The following TNPO2 variants were observed in gnomAD, a reference collection of about 807,000 sequenced individuals.
TNPO2 encodes the protein transportin-2.
TNPO2 carries 16 observed loss-of-function variants against 111.1 expected under a neutral mutation model. The ratio of observed to expected loss-of-function variants is 0.14; its 90% CI spans 0.10 to 0.22. The LOEUF (loss-of-function observed/expected upper bound fraction) is 0.22, where lower values mean the gene tolerates loss of function less well. TNPO2 is among the 10% of genes least tolerant of loss of function. The pLI is 1.00. For missense variants in TNPO2, 530 were observed against 1,173.7 expected (o/e 0.45, Z 8.01); for synonymous variants, 481 against 475.8 (o/e 1.01, Z -0.14).
In TNPO2 at chr19:12,712,583, A is replaced by C. The variant is rs189773143; in HGVS notation, c.891-970T>G. On this transcript the variant is annotated intron_variant, in intron 10 of 25. Transcript: ENST00000425528. Reference sequence around the variant, plus strand: ...GTCCCTGATATGCAGAAATAATGGCATACGCTGTCTTTCTCTTTGTCTACT... The same window carrying C: ...GTCCCTGATATGCAGAAATAATGGCCTACGCTGTCTTTCTCTTTGTCTACT... Among the ~76,000 whole-genome samples the C allele has an allele frequency of 2.6e-5, 4 of 152,324 alleles. No homozygotes were observed. The East Asian group carries it at 7.7e-4, about 29-fold the overall frequency.
intron 10 of TNPO2, among the ~76,000 whole-genome samples, chr19:12,712,195 A>G (rs983057665): frequency 6.6e-6 from 1 of 152,220 alleles, no homozygotes; most frequent in Admixed American, 6.5e-5. Flanking sequence ...TTATGCCCGG[A>G]CAGGGCCACC....
In TNPO2 at chr19:12,715,191, G is replaced by A; in HGVS notation, c.649-22C>T. The A allele has an allele frequency of 1.2e-6, 2 of 1,613,688 alleles. No homozygotes were observed. Among genetic ancestry groups the A allele is most frequent in the Non-Finnish European group, 1.7e-6 (2 of 1,179,716 alleles). ...GGTGCTGCAGGGAGGAACAGGGTCA[G>A]TTGTAGGGGCCCTCAGTCCTCGCCC... On this transcript the variant is annotated intron_variant, in intron 8 of 25. Coordinates refer to ENST00000425528, the MANE Select transcript of TNPO2 (RefSeq NM_001382241.1). The surrounding 1 kb of genome is among the most constrained non-coding windows in gnomAD (Gnocchi z 7.1).
At chr19:12,709,671 T>C (rs1226928217) in intron 13 of TNPO2, among the ~76,000 whole-genome samples, 4 of 148,498 alleles carry the variant, frequency 2.7e-5, no homozygotes, top group South Asian at 2.1e-4. Context: ...TTGGTAGATA[T>C]GAGGTCTCAC....
Position 12,701,469 on chromosome 19 carries a change from T to C in TNPO2, c.2587-16A>G, listed in dbSNP as rs1023488742. On this transcript the variant is annotated splice_polypyrimidine_tract_variant and intron_variant, in intron 24 of 25. Coordinates refer to ENST00000425528, the MANE Select transcript of TNPO2 (RefSeq NM_001382241.1). The surrounding 1 kb of genome is among the most constrained non-coding windows in gnomAD (Gnocchi z 5.0). ...CGTGGAGAATCTGTGGGGAGGGTGG[T>C]GGTGAGGGGTAGGCAGGGGCAGAAC... The C allele has an allele frequency of 3.1e-6, 5 of 1,611,072 alleles. No homozygotes were observed. Among genetic ancestry groups the C allele is most frequent in the Admixed American group, 3.3e-5 (2 of 59,960 alleles).
At chr19:12,709,626 C>T (rs966133635) in intron 13 of TNPO2, among the ~76,000 whole-genome samples, 1 of 150,208 alleles carries the variant, frequency 6.7e-6, no homozygotes, top group Non-Finnish European at 1.5e-5. Flanking sequence ...ACCACCACGC[C>T]GGCTAATTTT....
chr19:12,713,595 G>A (rs1312729533), intron 10 of TNPO2, among the ~76,000 whole-genome samples: 1 of 152,158 alleles, frequency 6.6e-6, no homozygotes, highest in Non-Finnish European at 1.5e-5. Context: ...CAGAACACAA[G>A]GTCAGGAAGC....
At chr19:12,710,885 GCTT>G (rs2025997524) in intron 12 of TNPO2, 112 bp from the exon 13 acceptor site, 2 of 1,144,832 alleles carry the variant, frequency 1.7e-6, no homozygotes, top group South Asian at 1.7e-5. Context: ...TTCACGATCA[GCTT>G]CTTTTTTTTT....
chr19:12,710,529 C>G, intron 13 of TNPO2, 92 bp downstream of exon 13: 3 of 1,457,800 alleles, frequency 2.1e-6, no homozygotes, highest in Non-Finnish European at 2.8e-6. Context: ...GAGTAGGCCT[C>G]CAGGGAGAAC....
chr19:12,711,646 G>A (rs755606277), intron 10 of TNPO2, 33 bp from the exon 11 acceptor site: 4 of 1,604,084 alleles, frequency 2.5e-6, no homozygotes, highest in Admixed American at 3.4e-5. Flanking sequence ...TGGGGATGCA[G>A]GGGCCGTGGC....
rs897032624 is a variant in TNPO2 at position 12,703,918 on chromosome 19, C to T, written c.2023-117G>A. The T allele has an allele frequency of 1.5e-5, 13 of 891,354 alleles. No homozygotes were observed. In the Admixed American group the frequency reaches 3.1e-4, roughly 21 times the overall value. The allele number at this position is 891,354 out of a possible 1,614,324, so 55.2% of individuals were successfully genotyped here. On this transcript the variant is annotated intron_variant, in intron 18 of 25. Transcript: ENST00000425528. ...CTGCCACTTTCCAGTTCTAGAGCTCCTAGCTGTTCCTTAACCTCCCTAGCC... is the reference window on the plus strand; with the variant it reads ...CTGCCACTTTCCAGTTCTAGAGCTCTTAGCTGTTCCTTAACCTCCCTAGCC...
chr19:12,703,505 C>T lies in TNPO2; in HGVS notation c.2132G>A (p.Gly711Asp). 1 of 1,614,014 alleles carries T rather than the reference C, an allele frequency of 6.2e-7. No homozygotes were observed. The highest frequency in any genetic ancestry group is 8.5e-7 in the Non-Finnish European group (1 of 1,179,896). ...GATGAACTCTGGGTTCAGGTTGGTGCCCAGAATGGGCATGAACTCGGCTGG... is the reference window on the plus strand; with the variant it reads ...GATGAACTCTGGGTTCAGGTTGGTGTCCAGAATGGGCATGAACTCGGCTGG... ...PCIAEFMPIL[G>D]TNLNPEFISV... The change falls in exon 20 of 26, where the codon GGC (glycine) becomes GAC (aspartate). Residue 711 changes from glycine to aspartate, a missense_variant. Physicochemically the swap from Gly to Asp is moderately conservative, Grantham distance 94. Transcript: ENST00000425528.
chr19:12,719,340 C>T lies in TNPO2; in HGVS notation c.100-4G>A. ...ACTGATTGAGTTGTTTGAGTTTCTG[C>T]CAGGCTGTTAAGGGACTTGGAAGAC... On this transcript the variant is annotated splice_region_variant and splice_polypyrimidine_tract_variant and intron_variant, in intron 3 of 25. Coordinates refer to ENST00000425528, the MANE Select transcript of TNPO2 (RefSeq NM_001382241.1). This position sits in a 1 kb window ranked among gnomAD's most constrained non-coding sequence, Gnocchi z 5.0. The T allele has an allele frequency of 6.2e-7, 1 of 1,613,720 alleles. No homozygotes were observed. Among genetic ancestry groups the T allele is most frequent in the Non-Finnish European group, 8.5e-7 (1 of 1,179,716 alleles).
At chr19:12,716,671 A>C (rs907027977) in intron 5 of TNPO2, among the ~76,000 whole-genome samples, 1 of 152,158 alleles carries the variant, frequency 6.6e-6, no homozygotes, top group Non-Finnish European at 1.5e-5. Context: ...CCACATGCCA[A>C]GGACTAAGGG....
chr19:12,717,646 C>G (rs914243265), intron 5 of TNPO2, among the ~76,000 whole-genome samples: 2 of 152,138 alleles, frequency 1.3e-5, no homozygotes, highest in African/African-American at 4.8e-5. Context: ...CATCCTACTA[C>G]TGGCCTGGGA....
chr19:12,714,800 G>C (rs1568337466), intron 10 of TNPO2, 21 bp downstream of exon 10: 2 of 1,603,696 alleles, frequency 1.2e-6, no homozygotes, highest in East Asian at 4.5e-5. Flanking sequence ...GGGTAGGACA[G>C]TGGGCAGCAG....
rs1481715082 is a variant in TNPO2, at chr19:12,721,193, C to T, written c.-13-203G>A. The T allele has an allele frequency of 1.3e-5, 18 of 1,380,858 alleles. No homozygotes were observed. Among genetic ancestry groups the T allele is most frequent in the Middle Eastern group, 2.5e-4 (1 of 3,998 alleles). 85.5% of individuals were successfully genotyped at this position (1,380,858 alleles called of 1,614,324 possible). ...CCGCGCAGTCGCGGGCTCGGGAGCG[C>T]GGGAGGGGGGATGTGGAAACGGGCC... On this transcript the variant is annotated intron_variant, in intron 2 of 25. Transcript: ENST00000425528. This position sits in a 1 kb window ranked among gnomAD's most constrained non-coding sequence, Gnocchi z 4.9.
chr19:12,712,700 C>T (rs2026133631), intron 10 of TNPO2, among the ~76,000 whole-genome samples: 1 of 152,210 alleles, frequency 6.6e-6, no homozygotes, highest in Non-Finnish European at 1.5e-5. Flanking sequence ...GGAGGTGACT[C>T]ACATTCTTTA....
chr19:12,712,553 T>G (rs2026123069), intron 10 of TNPO2, among the ~76,000 whole-genome samples: 1 of 152,194 alleles, frequency 6.6e-6, no homozygotes, highest in Admixed American at 6.5e-5. Flanking sequence ...GTGAAAATAC[T>G]AATAGTCCCT....
chr19:12,705,007 T>TA lies in TNPO2; in HGVS notation c.2022+232dup, dbSNP rs1339551965. Among the ~76,000 whole-genome samples, 2 of 152,076 alleles carry TA rather than the reference T, an allele frequency of 1.3e-5. No homozygotes were observed. The highest frequency in any genetic ancestry group is 4.8e-5 in the African/African-American group (2 of 41,388). ...TTTCTATTTTCAATACTGTTTGCTT[T>TA]AAAAAAAATTTTTTTTTTTAATTTT... On this transcript the variant is annotated intron_variant, in intron 18 of 25. Coordinates refer to ENST00000425528, the MANE Select transcript of TNPO2 (RefSeq NM_001382241.1). The surrounding 1 kb of genome is among the most constrained non-coding windows in gnomAD (Gnocchi z 7.2).
Sources: gnomAD v4.1 joint callset for allele counts (sites outside exome capture counted in the v4.1 genomes callset) on GRCh38, gnomAD v4.1.1 for gene constraint, Gnocchi (gnomAD v3.1) non-coding constraint, MANE v1.5 for transcripts, NCBI Gene and HGNC (gene_info 2026-07-23, HGNC 2026-07-21) for gene names.